ELMO1: variants seen among roughly 807,000 people sequenced by gnomAD.
The protein encoded by ELMO1 is engulfment and cell motility protein 1.
ELMO1 carries 26 observed loss-of-function variants against 98.9 expected under a neutral mutation model. The observed-to-expected ratio is 0.26, with a 90% confidence interval of 0.19 to 0.36. ELMO1 has a LOEUF of 0.36. ELMO1 is among the 10% of genes least tolerant of loss of function. The probability of loss-of-function intolerance (pLI) is 1.00; values close to 1 mark genes in which losing one functional copy is unlikely to be tolerated. For missense variants in ELMO1, 627 were observed against 935.2 expected, an observed-to-expected ratio of 0.67 and a Z score of 4.30; for synonymous variants, 346 against 346.0, an observed-to-expected ratio of 1.00 and a Z score of 0.00.
intron 16 of ELMO1, among the ~76,000 whole-genome samples, chr7:36,955,941 T>C (rs1434592494): frequency 1.3e-5 from 2 of 152,210 alleles, no homozygotes; most frequent in African/African-American, 2.4e-5. Context: ...TTCAGTATAA[T>C]GCTAACTCAA....
At chr7:37,202,930 T>C (rs894430625) in intron 13 of ELMO1, among the ~76,000 whole-genome samples, 2 of 152,124 alleles carry the variant, frequency 1.3e-5, no homozygotes, top group Non-Finnish European at 2.9e-5. Flanking sequence ...TTTGGTTTGT[T>C]TCTCCCCCTC....
chr7:37,209,817 C>CG (rs1792852137), intron 13 of ELMO1, among the ~76,000 whole-genome samples: 1 of 152,136 alleles, frequency 6.6e-6, no homozygotes, highest in South Asian at 2.1e-4. Flanking sequence ...GAAACTCACC[C>CG]GCTCCACCAG....
chr7:36,925,182 T>C (rs1019931766), intron 16 of ELMO1, among the ~76,000 whole-genome samples: 1 of 152,168 alleles, frequency 6.6e-6, no homozygotes, highest in Non-Finnish European at 1.5e-5. Flanking sequence ...GCATGCACCA[T>C]TCCACTTCCC....
chr7:37,341,416 ACT>A (rs908988554), intron 2 of ELMO1, among the ~76,000 whole-genome samples: 1 of 152,188 alleles, frequency 6.6e-6, no homozygotes, highest in Non-Finnish European at 1.5e-5. Flanking sequence ...CTGTTGCCTG[ACT>A]CAAATATATC....
At chr7:37,037,570 C>T (rs1220325290) in intron 15 of ELMO1, among the ~76,000 whole-genome samples, 1 of 152,182 alleles carries the variant, frequency 6.6e-6, no homozygotes, top group African/African-American at 2.4e-5. Context: ...TTTTCTGCCC[C>T]TAGCAAGGGA....
At chr7:37,257,720 G>A (rs960353529) in intron 6 of ELMO1, among the ~76,000 whole-genome samples, 3 of 150,840 alleles carry the variant, frequency 2.0e-5, no homozygotes, top group Non-Finnish European at 4.4e-5. Context: ...ACAAAAATCA[G>A]GCTGGACACG....
rs77562047 is a variant in ELMO1 at position 37,068,709 on chromosome 7, A to C, written c.1300+27910T>G. On this transcript the variant is annotated intron_variant, in intron 15 of 21. Transcript: ENST00000310758. Reference sequence around the variant, plus strand: ...ATATAATGATATAATGAAACTAAGGAGTGTTCATGCTGGTTTACAAAAGGG... The same window carrying C: ...ATATAATGATATAATGAAACTAAGGCGTGTTCATGCTGGTTTACAAAAGGG... Among the ~76,000 whole-genome samples, 1,374 of 152,240 alleles carry C rather than the reference A, an allele frequency of 9.0e-3. 6 individuals are homozygous for C. Among genetic ancestry groups the C allele is most frequent in the Middle Eastern group, 0.014 (4 of 294 alleles).
At chr7:37,446,625 A>C (rs1805630267) in intron 1 of ELMO1, among the ~76,000 whole-genome samples, 1 of 152,180 alleles carries the variant, frequency 6.6e-6, no homozygotes, top group Admixed American at 6.5e-5. Flanking sequence ...AGTAAGCATG[A>C]CCATCACTAG....
chr7:36,985,986 A>G (rs1158184959), intron 16 of ELMO1: 3 of 1,002,746 alleles, frequency 3.0e-6, no homozygotes, highest in Non-Finnish European at 3.6e-6. Flanking sequence ...GCCACCACAA[A>G]GCGACTTAGA....
At chr7:37,188,316 A>G (rs1791337630) in intron 13 of ELMO1, among the ~76,000 whole-genome samples, 1 of 151,652 alleles carries the variant, frequency 6.6e-6, no homozygotes, top group Non-Finnish European at 1.5e-5. Context: ...GCAGAACTGG[A>G]TTACTCCACT....
At chr7:36,877,988 T>C in intron 19 of ELMO1, 22 bp downstream of exon 19, 4 of 1,591,232 alleles carry the variant, frequency 2.5e-6, no homozygotes, top group Non-Finnish European at 3.4e-6. Flanking sequence ...CACTCAGGCC[T>C]CTGCCAAGGA....
intron 4 of ELMO1, among the ~76,000 whole-genome samples, chr7:37,289,776 T>TC (rs869177785): frequency 1.6e-4 from 1 of 6,288 alleles, no homozygotes; most frequent in Non-Finnish European, 3.2e-3. Context: ...CTATTTTCTC[T>TC]TTTTTTTGCC....
chr7:37,438,599 C>CA (rs35711008), intron 1 of ELMO1, among the ~76,000 whole-genome samples: 216 of 147,772 alleles, frequency 1.5e-3, no homozygotes, highest in African/African-American at 3.9e-3. Context: ...GACTCTGTCT[C>CA]AAAAAAAAAA....
rs1802139738 is a variant in ELMO1, at chr7:37,372,128, A to G, written c.-73-29365T>C. Among the ~76,000 whole-genome samples, 3 of 152,098 alleles carry G rather than the reference A, an allele frequency of 2.0e-5. No individual in the cohort carries two copies. The South Asian group carries it at 6.2e-4, about 31-fold the overall frequency. ...ATGAACATTGCCTCTGCTCAGTTTC[A>G]GTTAAAAAAAAAAAGATAGCACAGT... On this transcript the variant is annotated intron_variant, in intron 1 of 21. Coordinates refer to ENST00000310758, the MANE Select transcript of ELMO1 (RefSeq NM_014800.11).
intron 14 of ELMO1, among the ~76,000 whole-genome samples, chr7:37,105,114 A>C (rs1784873030): frequency 6.6e-6 from 1 of 152,252 alleles, no homozygotes; most frequent in Non-Finnish European, 1.5e-5. Flanking sequence ...TGCTCCCTGC[A>C]CTTTGATATA....
chr7:37,152,567 G>A (rs1033823918), intron 13 of ELMO1, among the ~76,000 whole-genome samples: 2 of 152,086 alleles, frequency 1.3e-5, no homozygotes, highest in Non-Finnish European at 2.9e-5. Context: ...GTGCATGTGT[G>A]TGGATGAGTG....
chr7:37,169,738 G>A (rs1790020578), intron 13 of ELMO1, among the ~76,000 whole-genome samples: 1 of 152,150 alleles, frequency 6.6e-6, no homozygotes, highest in Non-Finnish European at 1.5e-5. Flanking sequence ...TGTCACACAT[G>A]AATGTGAAAA....
At position 37,342,512 on chromosome 7, in the gene ELMO1, TAGAG is replaced by T; in HGVS notation, c.78+97_78+100del. ...TATTGCACAGATTTTTCAACACAGC[TAGAG>T]AGAGAAAGGGAGAAGAGTGAGCTAT... On this transcript the variant is annotated intron_variant, in intron 2 of 21. Transcript: ENST00000310758. The surrounding 1 kb of genome is among the most constrained non-coding windows in gnomAD (Gnocchi z 4.3). 8.3e-7 allele frequency: 1 copy of T among 1,206,264 alleles called. No individual in the cohort carries two copies. Among genetic ancestry groups the T allele is most frequent in the Admixed American group, 1.7e-5 (1 of 58,000 alleles). 74.7% of individuals were successfully genotyped at this position (1,206,264 alleles called of 1,614,324 possible).
chr7:36,879,017 C>A (rs1212117597), intron 18 of ELMO1, among the ~76,000 whole-genome samples: 1 of 152,254 alleles, frequency 6.6e-6, no homozygotes, highest in Non-Finnish European at 1.5e-5. Context: ...GTCTTCTTTG[C>A]ACCACCAGTT....
Sources: gnomAD v4.1 joint callset for allele counts (sites outside exome capture counted in the v4.1 genomes callset) on GRCh38, gnomAD v4.1.1 for gene constraint, Gnocchi (gnomAD v3.1) non-coding constraint, MANE v1.5 for transcripts, NCBI Gene and HGNC (gene_info 2026-07-23, HGNC 2026-07-21) for gene names.